Variants in MRM1 observed in about 807,000 individuals in gnomAD.
The protein encoded by MRM1 is rRNA methyltransferase 1, mitochondrial.
MRM1 carries 24 observed loss-of-function variants against 25.0 expected under a neutral mutation model. The ratio of observed to expected loss-of-function variants is 0.96; its 90% CI spans 0.69 to 1.35. The LOEUF is 1.35. MRM1 is among the 40% of genes most tolerant of loss of function. The pLI, the probability that MRM1 is intolerant of heterozygous loss-of-function variation, is 0.00. For synonymous variants in MRM1, 188 were observed against 199.2 expected, an observed-to-expected ratio of 0.94 and a Z score of 0.47; for missense variants, 431 against 464.1, an observed-to-expected ratio of 0.93 and a Z score of 0.65.
chr17:36,620,653 C>T, the MRM1 span, among the ~76,000 whole-genome samples: 1 of 152,214 alleles, frequency 6.6e-6, no homozygotes, highest in Non-Finnish European at 1.5e-5. Context: ...GCCTCTGATC[C>T]CTTCTATGAT....
At position 36,601,799 on chromosome 17, in the gene MRM1, G is replaced by A; in HGVS notation, c.-12G>A. 2 of 1,524,348 alleles carry A rather than the reference G, an allele frequency of 1.3e-6. No individual in the cohort carries two copies. The highest frequency in any genetic ancestry group is 2.5e-5 in the South Asian group (2 of 80,620). 94.4% of individuals were successfully genotyped at this position (1,524,348 alleles called of 1,614,324 possible). A position where few individuals can be genotyped will look rare whatever the true frequency, so the allele number is the denominator to read the frequency against. ...CAGCAAGGGGCATCGAGTCCCTGGC[G>A]GGAGCTGCGCCATGGCATTGCTCTC... On this transcript the variant is annotated 5_prime_UTR_variant, in exon 1 of 5. Coordinates refer to ENST00000614766, the MANE Select transcript of MRM1 (RefSeq NM_024864.5).
chr17:36,629,756 T>G, the MRM1 span, among the ~76,000 whole-genome samples: 1 of 151,646 alleles, frequency 6.6e-6, no homozygotes. Context: ...CAGGCCCTGG[T>G]GGGGCAGCCC....
At chr17:36,625,909 C>A in the MRM1 span, among the ~76,000 whole-genome samples, 3 of 152,130 alleles carry the variant, frequency 2.0e-5, no homozygotes, top group Non-Finnish European at 2.9e-5. Context: ...CTCCCCACAG[C>A]CACTTTCTGG....
the MRM1 span, chr17:36,634,509 G>A: frequency 6.6e-6 from 1 of 152,178 alleles, no homozygotes; most frequent in Non-Finnish European, 1.5e-5. Context: ...TGGGTTTCCT[G>A]CTTTTACCTA....
At chr17:36,603,521 C>G (rs1374110404) in intron 2 of MRM1, among the ~76,000 whole-genome samples, 2 of 151,998 alleles carry the variant, frequency 1.3e-5, no homozygotes, top group Admixed American at 1.3e-4. Flanking sequence ...CCTGCTTCAG[C>G]CTTCCAAGTA....
chr17:36,614,481 C>T, the MRM1 span, among the ~76,000 whole-genome samples: 5 of 152,266 alleles, frequency 3.3e-5, no homozygotes, highest in South Asian at 2.1e-4. Context: ...GGTCAGGGGA[C>T]GAAGCACCTG....
At chr17:36,630,962 G>T in the MRM1 span, among the ~76,000 whole-genome samples, 1 of 152,116 alleles carries the variant, frequency 6.6e-6, no homozygotes, top group Non-Finnish European at 1.5e-5. Context: ...AGGCTGGCTG[G>T]GGCTTAACTC....
chr17:36,616,976 T>A, the MRM1 span, among the ~76,000 whole-genome samples: 1 of 152,174 alleles, frequency 6.6e-6, no homozygotes, highest in Non-Finnish European at 1.5e-5. Flanking sequence ...TCCTCCTGCC[T>A]CGGCCTCCCG....
downstream of MRM1, among the ~76,000 whole-genome samples, chr17:36,610,643 C>T (rs934545013): frequency 6.6e-6 from 1 of 152,148 alleles, no homozygotes; most frequent in Non-Finnish European, 1.5e-5. Context: ...CTGACTGCCA[C>T]GCAGGCTCTG....
chr17:36,602,636 G>T lies in MRM1; in HGVS notation c.626G>T (p.Gly209Val), dbSNP rs745943028. ...GTGTTCTCCACTGATGACCTCACCG[G>T]ATTTTTACAGGTAATGAGGGGCAAG... is the stretch of plus-strand genomic sequence containing the variant. The part of the protein sequence containing the change: ...MDVFSTDDLT[G>V]FLQTKAQQGW... The change falls in exon 2 of 5, where the codon GGA (glycine) becomes GTA (valine). Residue 209 changes from glycine (G) to valine (V), a missense_variant. Transcript: ENST00000614766. This position sits in a 1 kb window ranked among gnomAD's most constrained non-coding sequence, Gnocchi z 4.1. 1 of 1,614,188 alleles carries T rather than the reference G, an allele frequency of 6.2e-7. No individual in the cohort carries two copies. Among genetic ancestry groups the T allele is most frequent in the East Asian group, 2.2e-5 (1 of 44,876 alleles).
downstream of MRM1, among the ~76,000 whole-genome samples, chr17:36,609,178 C>G (rs1381074192): frequency 1.3e-5 from 2 of 152,188 alleles, no homozygotes; most frequent in Admixed American, 6.5e-5. Context: ...GCAGGCTTGC[C>G]GTTGATTGTA....
In MRM1 at chr17:36,608,264, G is replaced by A; in HGVS notation, c.911G>A (p.Cys304Tyr). 1.3e-6 allele frequency: 2 copies of A among 1,577,758 alleles called. No individual in the cohort carries two copies. The highest frequency in any genetic ancestry group is 2.3e-5 in the South Asian group (2 of 85,496). Residue 304 changes from cysteine to tyrosine, a missense_variant, in exon 5 of 5, where the codon TGC becomes TAC. Cys to Tyr is a radical substitution (Grantham distance 194, BLOSUM62 -2). Transcript: ENST00000614766. The stretch of plus-strand genomic sequence containing the variant: ...GCAGGAATTCTTCTTCACTCCATTT[G>A]CAGCCAGAGGAAGGGTTTCCCCACA... The part of the protein sequence containing the change: ...VAAGILLHSI[C>Y]SQRKGFPTEG...
In MRM1 at chr17:36,608,339, G is replaced by C. The variant is rs1217547053; in HGVS notation, c.986G>C (p.Arg329Thr). 4 of 1,611,486 alleles carry C rather than the reference G, an allele frequency of 2.5e-6. No homozygotes were observed. The South Asian group carries it at 4.4e-5, about 18-fold the overall frequency. Residue 329 changes from arginine (R) to threonine (T), a missense_variant, in exon 5 of 5, where the codon AGG becomes ACG. By Grantham distance (71) the Arg-to-Thr change is moderately conservative (BLOSUM62 -1). Transcript: ENST00000614766. ...CAAGACCCCCAAGAACCCTCAGCCA[G>C]GTCTGAAGGGCTCAGCATGGCTCAG... ...LLQDPQEPSA[R>T]SEGLSMAQHP... is the part of the protein sequence containing the mutation.
chr17:36,615,386 C>T, the MRM1 span, among the ~76,000 whole-genome samples: 11 of 152,122 alleles, frequency 7.2e-5, no homozygotes, highest in Admixed American at 5.9e-4. Flanking sequence ...GGCTGGCGGG[C>T]GCGGTGGCTC....
At chr17:36,616,669 G>C in the MRM1 span, among the ~76,000 whole-genome samples, 1 of 152,190 alleles carries the variant, frequency 6.6e-6, no homozygotes, top group South Asian at 2.1e-4. Flanking sequence ...ACTAGCATTT[G>C]TTATGCACTT....
the MRM1 span, among the ~76,000 whole-genome samples, chr17:36,628,955 A>G: frequency 1.3e-5 from 2 of 151,488 alleles, no homozygotes; most frequent in South Asian, 4.2e-4. Context: ...TGAGAGAGAG[A>G]AAGAGAGAGA....
At chr17:36,620,972 C>T in the MRM1 span, among the ~76,000 whole-genome samples, 1 of 152,184 alleles carries the variant, frequency 6.6e-6, no homozygotes, top group Non-Finnish European at 1.5e-5. Flanking sequence ...GACCTTGGTT[C>T]AGTTGCTGCC....
chr17:36,608,149 C>A, intron 4 of MRM1, 94 bp from the exon 5 acceptor site: 2 of 1,520,296 alleles, frequency 1.3e-6, no homozygotes, highest in Non-Finnish European at 1.8e-6. Context: ...AAATTACATC[C>A]CGTTGATGAG....
chr17:36,628,254 C>G, the MRM1 span, among the ~76,000 whole-genome samples: 9 of 152,224 alleles, frequency 5.9e-5, no homozygotes, highest in African/African-American at 2.2e-4. Context: ...TCTCAAAGTG[C>G]TAGGATTATA....
Sources: allele counts gnomAD v4.1 joint callset (sites outside exome capture counted in the v4.1 genomes callset), GRCh38; gene constraint gnomAD v4.1.1; non-coding constraint Gnocchi (gnomAD v3.1); transcripts MANE v1.5; gene names NCBI Gene and HGNC (gene_info 2026-07-23, HGNC 2026-07-21).